RNF19A: variants seen among roughly 807,000 people sequenced by gnomAD.
RNF19A encodes ring finger protein 19A, RBR E3 ubiquitin protein ligase, also known as E3 ubiquitin-protein ligase RNF19A.
In RNF19A, 32 loss-of-function variants were observed where a neutral mutation model predicts 75.7. That is an observed-to-expected ratio of 0.42 (90% CI 0.32 to 0.57). The LOEUF is 0.57. RNF19A is among the 20% of genes least tolerant of loss of function. The probability of loss-of-function intolerance (pLI) is 0.10; values close to 1 mark genes in which losing one functional copy is unlikely to be tolerated. For synonymous variants in RNF19A, 335 were observed against 345.2 expected (o/e 0.97, Z 0.33); for missense variants, 782 against 1,036.3 (o/e 0.75, Z 3.37).
intron 1 of RNF19A, among the ~76,000 whole-genome samples, chr8:100,320,746 T>TAA (rs1822454768): frequency 6.9e-6 from 1 of 144,276 alleles, no homozygotes; most frequent in South Asian, 2.3e-4. Context: ...TTTAGCACAG[T>TAA]GTCTGGCACT....
At chr8:100,288,409 T>C (rs1821133964) in intron 1 of RNF19A, 142 bp from the exon 2 acceptor site, 1 of 389,034 alleles carries the variant, frequency 2.6e-6, no homozygotes, top group Admixed American at 4.3e-5. Flanking sequence ...ATTTATTAAA[T>C]AGTCTATAAG....
intron 1 of RNF19A, among the ~76,000 whole-genome samples, chr8:100,327,245 C>CCTTTTTT (rs1822546293): frequency 1.3e-5 from 1 of 75,836 alleles, no homozygotes; most frequent in African/African-American, 5.5e-5. Flanking sequence ...GCAATTACTT[C>CCTTTTTT]TTTTTTTTTT....
chr8:100,274,604 C>T (rs149806165), intron 3 of RNF19A, among the ~76,000 whole-genome samples: 106 of 152,164 alleles, frequency 7.0e-4, no homozygotes, highest in African/African-American at 2.1e-3. Context: ...AGGCCGTTCT[C>T]GAACTCCTGG....
intron 1 of RNF19A, among the ~76,000 whole-genome samples, chr8:100,334,057 T>C (rs548425078): frequency 2.6e-5 from 4 of 152,218 alleles, no homozygotes; most frequent in Non-Finnish European, 5.9e-5. Flanking sequence ...CTTTTCTTGA[T>C]TTTGCTCATT....
At chr8:100,309,186 G>T (rs1822187000) in intron 1 of RNF19A, 3 of 402,260 alleles carry the variant, frequency 7.5e-6, no homozygotes, top group Non-Finnish European at 6.7e-6. Context: ...TTAGCACGGG[G>T]AGACAATCCC....
intron 2 of RNF19A, among the ~76,000 whole-genome samples, chr8:100,282,684 T>C (rs1037084487): frequency 2.6e-5 from 4 of 152,232 alleles, no homozygotes; most frequent in Non-Finnish European, 5.9e-5. Context: ...CTGTGATCTC[T>C]GCAAAATTTG....
rs1822576876 is a variant in RNF19A at position 100,329,016 on chromosome 8, G to A, written c.-243+7092C>T. On this transcript the variant is annotated intron_variant, in intron 1 of 3. Coordinates refer to the RNF19A transcript ENST00000519527. This position sits in a 1 kb window ranked among gnomAD's most constrained non-coding sequence, Gnocchi z 4.3. ...TTTATCAGTTTGGCTACATGGTGAT[G>A]ACTCTTCTCCAAAGCACAGGCCAGA... is the stretch of plus-strand genomic sequence containing the variant. 6.6e-6 allele frequency among the ~76,000 whole-genome samples: 1 copy of A among 152,178 alleles called. No homozygotes were observed.
In RNF19A at chr8:100,308,715, G is replaced by A. The variant is rs532494529; in HGVS notation, c.-94+1152C>T. ...AAAAAAAAAAAATGTGGAATGTAAA[G>A]ATCACAATTTAAGACAACCGATCAA... On this transcript the variant is annotated intron_variant, in intron 1 of 9. Coordinates refer to ENST00000341084, the MANE Select transcript of RNF19A (RefSeq NM_183419.4). 1.3e-4 allele frequency among the ~76,000 whole-genome samples: 20 copies of A among 151,952 alleles called. No homozygotes were observed. The South Asian group carries it at 4.2e-3, about 32-fold the overall frequency.
At chr8:100,299,700 G>A (rs1821733953) in intron 1 of RNF19A, among the ~76,000 whole-genome samples, 2 of 152,068 alleles carry the variant, frequency 1.3e-5, no homozygotes, top group Admixed American at 1.3e-4. Flanking sequence ...TGGAGGTTGA[G>A]TAAGCCAAGA....
rs1426179747 is a variant in RNF19A at position 100,287,384 on chromosome 8, A to G, written c.674+117T>C. On this transcript the variant is annotated intron_variant, in intron 2 of 9. Transcript: ENST00000341084. The surrounding 1 kb of genome is among the most constrained non-coding windows in gnomAD (Gnocchi z 4.1). ...GTGCCTGACATATGGTGTGCACTCA[A>G]CATGTCTGTTGAATGAATTCTCCAG... 1 of 871,420 alleles carries G rather than the reference A, an allele frequency of 1.1e-6. No homozygotes were observed. Among genetic ancestry groups the G allele is most frequent in the African/African-American group, 1.7e-5 (1 of 58,804 alleles). The allele number at this position is 871,420 out of a possible 1,614,324, so 54.0% of individuals were successfully genotyped here.
rs1244683382 is a variant in RNF19A at position 100,268,795 on chromosome 8, A to G, written c.1181T>C (p.Val394Ala). 1.3e-6 allele frequency: 2 copies of G among 1,573,696 alleles called. No individual in the cohort carries two copies. Among genetic ancestry groups the G allele is most frequent in the Admixed American group, 3.6e-5 (2 of 56,176 alleles). Residue 394 changes from valine (V) to alanine (A), a missense_variant, in exon 5 of 10, where the codon GTG becomes GCG. Val to Ala is a moderately conservative substitution (Grantham distance 64, BLOSUM62 0). Coordinates refer to ENST00000341084, the MANE Select transcript of RNF19A (RefSeq NM_183419.4). ...AAGTATGCATTTTACCTTGCGGCCC[A>G]CATACACAGGAATGCCAATAATCAT... ...PAMIIGIPVY[V>A]GRKIHNRYEG...
At chr8:100,282,761 T>G (rs1820840552) in intron 2 of RNF19A, among the ~76,000 whole-genome samples, 1 of 152,208 alleles carries the variant, frequency 6.6e-6, no homozygotes, top group Non-Finnish European at 1.5e-5. Context: ...AACACATCTT[T>G]GCAGGATGAG....
rs1190216783 is a variant in RNF19A, at chr8:100,257,852, T to C, written c.*704A>G. ...GGACTTTATTTTGTAGTTTTATGTATCTTATTTGTTGCTGTCATATGCTTA... is the reference window on the plus strand; with the variant it reads ...GGACTTTATTTTGTAGTTTTATGTACCTTATTTGTTGCTGTCATATGCTTA... On this transcript the variant is annotated 3_prime_UTR_variant, in exon 10 of 10. Transcript: ENST00000341084. 8 of 394,990 alleles carry C rather than the reference T, an allele frequency of 2.0e-5. No individual in the cohort carries two copies. The highest frequency in any genetic ancestry group is 4.4e-5 in the Admixed American group (1 of 22,652). The allele number at this position is 394,990 out of a possible 1,614,324, so 24.5% of individuals were successfully genotyped here.
At chr8:100,302,544 G>A (rs1821882145) in intron 1 of RNF19A, among the ~76,000 whole-genome samples, 1 of 152,184 alleles carries the variant, frequency 6.6e-6, no homozygotes, top group Admixed American at 6.5e-5. Context: ...CAAGCCCAGA[G>A]ATTAGGAAAA....
rs1377632524 is a variant in RNF19A at position 100,323,971 on chromosome 8, T to A, written c.-242-10599A>T. Among the ~76,000 whole-genome samples the A allele has an allele frequency of 6.6e-6, 1 of 152,232 alleles. No homozygotes were observed. Among genetic ancestry groups the A allele is most frequent in the Non-Finnish European group, 1.5e-5 (1 of 68,042 alleles). On this transcript the variant is annotated intron_variant, in intron 1 of 3. Transcript: ENST00000519527. The surrounding 1 kb of genome is among the most constrained non-coding windows in gnomAD (Gnocchi z 4.6). ...ATCTGAGGTCTCGGGGCCAGAGATC[T>A]GTATTCAATTTCAAATTGTTTCTAA...
In RNF19A at chr8:100,264,431, T is replaced by C; in HGVS notation, c.1307-236A>G. On this transcript the variant is annotated intron_variant, in intron 6 of 9. Transcript: ENST00000341084. This position sits in a 1 kb window ranked among gnomAD's most constrained non-coding sequence, Gnocchi z 4.7. ...AAGAGAGAGATGCAAACTTTTTTCT[T>C]TTGAAGTGCCAGGCCTCCGAACTGT... The C allele has an allele frequency of 1.7e-6, 1 of 573,854 alleles. No individual in the cohort carries two copies. Among genetic ancestry groups the C allele is most frequent in the Non-Finnish European group, 3.0e-6 (1 of 329,130 alleles). The allele number at this position is 573,854 out of a possible 1,614,324, so 35.5% of individuals were successfully genotyped here. A position where few individuals can be genotyped will look rare whatever the true frequency, so the allele number is the denominator to read the frequency against.
chr8:100,309,893 G>A lies in RNF19A; in HGVS notation c.-120C>T. The A allele has an allele frequency of 1.0e-6, 1 of 985,742 alleles. No homozygotes were observed. 61.1% of individuals were successfully genotyped at this position (985,742 alleles called of 1,614,324 possible). On this transcript the variant is annotated 5_prime_UTR_variant, in exon 1 of 10. Coordinates refer to ENST00000341084, the MANE Select transcript of RNF19A (RefSeq NM_183419.4). ...TTTAACTCCTCAGAGCGGCGGCAGCGCAGGGTGGCGGGCGAGTAGGCCCAT... is the reference window on the plus strand; with the variant it reads ...TTTAACTCCTCAGAGCGGCGGCAGCACAGGGTGGCGGGCGAGTAGGCCCAT...
At chr8:100,313,708 C>T (rs971887412), upstream of RNF19A, among the ~76,000 whole-genome samples, 1 of 152,040 alleles carries the variant, frequency 6.6e-6, no homozygotes, top group African/African-American at 2.4e-5. Context: ...TAAGGCAGAG[C>T]AAGAGTGGAA....
At chr8:100,309,562 CAGG>C (rs987377646) in intron 1 of RNF19A, 236 of 981,170 alleles carry the variant, frequency 2.4e-4, no homozygotes, top group Middle Eastern at 1.6e-3. Flanking sequence ...GCACAGGCAC[CAGG>C]AGGACAGGGC....
Sources: allele counts gnomAD v4.1 joint callset (sites outside exome capture counted in the v4.1 genomes callset), GRCh38; gene constraint gnomAD v4.1.1; non-coding constraint Gnocchi (gnomAD v3.1); transcripts MANE v1.5; gene names NCBI Gene and HGNC (gene_info 2026-07-23, HGNC 2026-07-21).